CASP4: variants seen among roughly 807,000 people sequenced by gnomAD.
The protein encoded by CASP4 is caspase 4.
CASP4 carries 29 observed loss-of-function variants against 41.3 expected under a neutral mutation model. That is an observed-to-expected ratio of 0.70 (90% CI 0.52 to 0.96). CASP4 has a LOEUF of 0.96. CASP4 is among the 40% of genes least tolerant of loss of function. The pLI, the probability that CASP4 is intolerant of heterozygous loss-of-function variation, is 0.00. For missense variants in CASP4, 447 were observed against 460.6 expected (o/e 0.97, Z 0.27); for synonymous variants, 185 against 158.4 (o/e 1.17, Z -1.26).
At chr11:104,956,326 T>C (rs1279324177) in intron 1 of CASP4, among the ~76,000 whole-genome samples, 1 of 152,114 alleles carries the variant, frequency 6.6e-6, no homozygotes, top group Non-Finnish European at 1.5e-5. Context: ...CTTGTTTTTT[T>C]CACCATAGTC....
intron 1 of CASP4, among the ~76,000 whole-genome samples, chr11:104,959,365 C>A (rs1241279539): frequency 6.6e-6 from 1 of 152,116 alleles, no homozygotes. Context: ...CACATTATCT[C>A]ACTTATACAT....
chr11:104,963,490 C>A (rs55781362), intron 1 of CASP4, among the ~76,000 whole-genome samples: 5,577 of 152,244 alleles, frequency 0.037, 139 homozygotes, highest in South Asian at 0.11. Flanking sequence ...TGTTATCTGA[C>A]AGTTTGAATT....
rs745517158 is a variant in CASP4 at position 104,944,798 on chromosome 11, T to A, written c.1089A>T (p.Glu363Asp). 6.2e-6 allele frequency: 10 copies of A among 1,613,644 alleles called. No individual in the cohort carries two copies. The highest frequency in any genetic ancestry group is 1.7e-5 in the Admixed American group (1 of 59,956). Residue 363 changes from glutamate (E) to aspartate (D), a missense_variant, in exon 8 of 9, where the codon GAA becomes GAT. Physicochemically the swap from Glu to Asp is conservative, Grantham distance 45. Coordinates refer to ENST00000444739, the MANE Select transcript of CASP4 (RefSeq NM_001225.4). ...PRAKAQMPTI[E>D]RLSMTRYFYL... ...AGAAATATCTTGTCATGGACAGTCG[T>A]TCTATGGTGGGCATTTGAGCTTTGG...
Position 104,948,580 on chromosome 11 carries a change from T to C in CASP4, c.878A>G (p.Lys293Arg), listed in dbSNP as rs1161561013. The C allele has an allele frequency of 3.1e-6, 5 of 1,611,332 alleles. No individual in the cohort carries two copies. In the East Asian group the frequency reaches 6.7e-5, roughly 22 times the overall value. ...SENLEEDAVY[K>R]THVEKDFIAF... The stretch of plus-strand genomic sequence containing the variant: ...AATGAAGTCCTTCTCCACGTGGGTC[T>C]TGTAAACAGCATCTTCCTCTAGGTT... The change falls in exon 6 of 9, where the codon AAG becomes AGG. Residue 293 changes from lysine (K) to arginine (R), a missense_variant. Lys to Arg is a conservative substitution (Grantham distance 26). Transcript: ENST00000444739.
intron 7 of CASP4, among the ~76,000 whole-genome samples, chr11:104,946,465 G>A (rs1478223425): frequency 6.6e-6 from 1 of 152,152 alleles, no homozygotes; most frequent in African/African-American, 2.4e-5. Flanking sequence ...TTTGCTGAGT[G>A]GGTAGATGTA....
At chr11:104,959,192 G>A (rs1408232225) in intron 1 of CASP4, among the ~76,000 whole-genome samples, 1 of 151,980 alleles carries the variant, frequency 6.6e-6, no homozygotes, top group African/African-American at 2.4e-5. Flanking sequence ...CTAAATGTCT[G>A]TGGACAGATT....
At position 104,949,635 on chromosome 11, in the gene CASP4, A is replaced by C. The variant is rs1591127035; in HGVS notation, c.689T>G (p.Leu230Arg). ...GAATATCTGGAAGATGGTGTCATAAAGCAGCACATCTGGTTTTTTCTCATC... is the reference window on the plus strand; with the variant it reads ...GAATATCTGGAAGATGGTGTCATAACGCAGCACATCTGGTTTTTTCTCATC... Reference protein sequence around the residue: ...VHDEKKPDVLLYDTIFQIFNN... With the variant: ...VHDEKKPDVLRYDTIFQIFNN... Residue 230 changes from leucine to arginine, a missense_variant, in exon 5 of 9, where the codon CTT (leucine) becomes CGT (arginine). By Grantham distance (102) the Leu-to-Arg change is moderately radical. Transcript: ENST00000444739. 4 of 1,613,980 alleles carry C rather than the reference A, an allele frequency of 2.5e-6. No individual in the cohort carries two copies. The highest frequency in any genetic ancestry group is 2.7e-5 in the African/African-American group (2 of 75,024).
At chr11:104,946,830 T>C in intron 7 of CASP4, 1 of 252,800 alleles carries the variant, frequency 4.0e-6, no homozygotes, top group Non-Finnish European at 7.5e-6. Flanking sequence ...TATTTTTCCT[T>C]CTCTAAAACT....
Position 104,951,019 on chromosome 11 carries a change from G to A in CASP4, c.452C>T (p.Pro151Leu), listed in dbSNP as rs77501972. The change falls in exon 4 of 9, where the codon CCG becomes CTG. Residue 151 changes from proline to leucine, a missense_variant. Transcript: ENST00000444739. ...GATGTCAAAGTCAGCTCCATTCCTCGGAGGCAGATGGTCAAACTCTGTATT... is the reference window on the plus strand; with the variant it reads ...GATGTCAAAGTCAGCTCCATTCCTCAGAGGCAGATGGTCAAACTCTGTATT... Reference protein sequence around the residue: ...ICNTEFDHLPPRNGADFDITG... With the variant: ...ICNTEFDHLPLRNGADFDITG... 6.3e-4 allele frequency: 1,012 copies of A among 1,613,424 alleles called. 5 individuals are homozygous for A. The African/African-American group carries it at 9.3e-3, about 15-fold the overall frequency.
In CASP4 at chr11:104,954,922, C is replaced by T. The variant is rs1801319; in HGVS notation, c.87G>A (p.Leu29=). ...KDFLTGVLDN[L]VEQNVLNWKE... is the part of the protein sequence containing the mutation. ...TCCAGTTCAGTACATTTTGTTCCAC[C>T]AAGTTATCCAAAACACCAGTGAGGA... is the stretch of plus-strand genomic sequence containing the variant. Residue 29 remains leucine (L), a synonymous_variant, in exon 2 of 9, where the codon TTG becomes TTA. Transcript: ENST00000444739. The T allele has an allele frequency of 0.046, 74,186 of 1,613,450 alleles. 2,122 individuals are homozygous for T. The highest frequency in any genetic ancestry group is 0.099 in the South Asian group (9,011 of 91,056).
intron 4 of CASP4, 44 bp from the exon 5 acceptor site, chr11:104,949,821 A>G (rs748962449): frequency 6.4e-7 from 1 of 1,569,940 alleles, no homozygotes; most frequent in South Asian, 1.1e-5. Context: ...AAGCATCACA[A>G]TTAAAGGGGA....
At chr11:104,967,520 C>G (rs975307137) in intron 1 of CASP4, among the ~76,000 whole-genome samples, 1 of 152,120 alleles carries the variant, frequency 6.6e-6, no homozygotes. Flanking sequence ...CTGTATGTCC[C>G]TGAGCAAAGT....
In CASP4 at chr11:104,968,551, C is replaced by G. The variant is rs1414968497; in HGVS notation, c.-26G>C. Reference sequence around the variant, plus strand: ...AGGGAACAGCCTCTGTCCTTTTTTACAGCGTTGGAAAGAGCCTCAGAGTCA... The same window carrying G: ...AGGGAACAGCCTCTGTCCTTTTTTAGAGCGTTGGAAAGAGCCTCAGAGTCA... On this transcript the variant is annotated 5_prime_UTR_variant, in exon 1 of 9. Coordinates refer to ENST00000444739, the MANE Select transcript of CASP4 (RefSeq NM_001225.4). 2 of 1,612,696 alleles carry G rather than the reference C, an allele frequency of 1.2e-6. No homozygotes were observed. The highest frequency in any genetic ancestry group is 1.7e-6 in the Non-Finnish European group (2 of 1,178,798).
At chr11:104,961,677 T>G (rs987462061) in intron 1 of CASP4, among the ~76,000 whole-genome samples, 1 of 152,130 alleles carries the variant, frequency 6.6e-6, no homozygotes, top group African/African-American at 2.4e-5. Context: ...AATAGGAGGA[T>G]AGTTTGGAAG....
intron 1 of CASP4, among the ~76,000 whole-genome samples, chr11:104,957,372 T>C (rs547737989): frequency 1.3e-5 from 2 of 152,220 alleles, no homozygotes; most frequent in African/African-American, 4.8e-5. Flanking sequence ...AGTATAAAAC[T>C]TCAACCCGAT....
chr11:104,944,514 G>A (rs1248184939), intron 8 of CASP4: 2 of 454,868 alleles, frequency 4.4e-6, no homozygotes, highest in Admixed American at 3.9e-5. Flanking sequence ...ATCACATTCT[G>A]CTGCGGTTTT....
chr11:104,954,552 AG>A (rs1860688794), intron 2 of CASP4, among the ~76,000 whole-genome samples, 194 bp downstream of exon 2: 1 of 152,186 alleles, frequency 6.6e-6, no homozygotes, highest in South Asian at 2.1e-4. Context: ...ACAAGGACTC[AG>A]CCTTTTAGCT....
At chr11:104,966,959 G>C (rs1232502544) in intron 1 of CASP4, among the ~76,000 whole-genome samples, 2 of 152,150 alleles carry the variant, frequency 1.3e-5, no homozygotes, top group African/African-American at 4.8e-5. Context: ...CTATCATATG[G>C]TAAGTATTTT....
intron 3 of CASP4, 156 bp downstream of exon 3, chr11:104,951,740 T>C: frequency 1.5e-6 from 1 of 683,216 alleles, no homozygotes; most frequent in Non-Finnish European, 2.7e-6. Context: ...TTGGTATCAT[T>C]GTGAAGTCAC....
Sources: allele counts gnomAD v4.1 joint callset (sites outside exome capture counted in the v4.1 genomes callset), GRCh38; gene constraint gnomAD v4.1.1; transcripts MANE v1.5; gene names NCBI Gene and HGNC (gene_info 2026-07-23, HGNC 2026-07-21).